The following DLGAP3 variants were observed in gnomAD, a reference collection of about 807,000 sequenced individuals.
The protein encoded by DLGAP3 is DLG associated protein 3.
In DLGAP3, 17 loss-of-function variants were observed where a neutral mutation model predicts 81.2. That is an observed-to-expected ratio of 0.21 (90% CI 0.14 to 0.31). The LOEUF (loss-of-function observed/expected upper bound fraction) is 0.31. Ranked by LOEUF, DLGAP3 falls within the 10% of genes least tolerant of loss-of-function variation. The pLI is 1.00. For missense variants in DLGAP3, 1,124 were observed against 1,388.0 expected, an observed-to-expected ratio of 0.81 and a Z score of 3.02; for synonymous variants, 577 against 587.4, an observed-to-expected ratio of 0.98 and a Z score of 0.26.
intron 1 of DLGAP3, among the ~76,000 whole-genome samples, chr1:34,922,224 A>G (rs746639035): frequency 1.3e-5 from 2 of 152,168 alleles, no homozygotes; most frequent in Non-Finnish European, 2.9e-5. Flanking sequence ...AACTTCTTTC[A>G]TATGATGGAG....
chr1:34,870,609 G>A (rs1000398638), intron 8 of DLGAP3, among the ~76,000 whole-genome samples: 2 of 152,206 alleles, frequency 1.3e-5, no homozygotes, highest in African/African-American at 4.8e-5. Context: ...AGGAAGGAGA[G>A]ATGCACTCAT....
chr1:34,879,826 T>C lies in DLGAP3; in HGVS notation c.2000+5152A>G, dbSNP rs1238820971. ...TATGAGATATAGCCATAAAAGGATA[T>C]AGTTATAAGGGAAATTATAGCCCTA... On this transcript the variant is annotated intron_variant, in intron 8 of 11. Transcript: ENST00000373347. 3.3e-5 allele frequency among the ~76,000 whole-genome samples: 5 copies of C among 152,068 alleles called. No individual in the cohort carries two copies. In the South Asian group the frequency reaches 8.3e-4, roughly 25 times the overall value.
chr1:34,867,999 A>C lies in DLGAP3; in HGVS notation c.2486-372T>G, dbSNP rs1638912140. Reference sequence around the variant, plus strand: ...GGCTAAGCTTTGTTCATCACTCCCCAGTGCATGCAAGACTCCTTGGCTCTT... The same window carrying C: ...GGCTAAGCTTTGTTCATCACTCCCCCGTGCATGCAAGACTCCTTGGCTCTT... On this transcript the variant is annotated intron_variant, in intron 9 of 11. Coordinates refer to ENST00000373347, the MANE Select transcript of DLGAP3 (RefSeq NM_001080418.3). This position sits in a 1 kb window ranked among gnomAD's most constrained non-coding sequence, Gnocchi z 4.3. 6.6e-6 allele frequency among the ~76,000 whole-genome samples: 1 copy of C among 152,196 alleles called. No homozygotes were observed. The highest frequency in any genetic ancestry group is 1.5e-5 in the Non-Finnish European group (1 of 68,042).
chr1:34,886,344 T>C (rs1404980895), intron 5 of DLGAP3, 59 bp from the exon 6 acceptor site: 2 of 1,475,094 alleles, frequency 1.4e-6, no homozygotes, highest in Non-Finnish European at 1.8e-6. Flanking sequence ...TGGAAGTCCC[T>C]GGGGTGCTCT....
In DLGAP3 at chr1:34,885,094, T is replaced by C. The variant is rs767585485; in HGVS notation, c.1915-31A>G. The stretch of plus-strand genomic sequence containing the variant: ...GGCAGGGTGGAGGAGTCAGTGGCTG[T>C]GGCGAGCCAAGGTGAAAGCCCTTCC... On this transcript the variant is annotated intron_variant, in intron 7 of 11. Coordinates refer to ENST00000373347, the MANE Select transcript of DLGAP3 (RefSeq NM_001080418.3). 6.9e-6 allele frequency: 11 copies of C among 1,594,648 alleles called. No homozygotes were observed. The Admixed American group carries it at 1.3e-4, about 19-fold the overall frequency.
chr1:34,874,560 G>T (rs903319738), intron 8 of DLGAP3, among the ~76,000 whole-genome samples: 4 of 152,192 alleles, frequency 2.6e-5, no homozygotes, highest in African/African-American at 9.7e-5. Context: ...TGTGGCTGCA[G>T]AAGCCTCCTC....
intron 1 of DLGAP3, among the ~76,000 whole-genome samples, chr1:34,922,556 G>GCACACAA (rs1322657435): frequency 6.6e-6 from 1 of 152,000 alleles, no homozygotes; most frequent in Non-Finnish European, 1.5e-5. Context: ...GCACACATTG[G>GCACACAA]TTTAATTCAG....
chr1:34,885,145 C>T lies in DLGAP3; in HGVS notation c.1915-82G>A, dbSNP rs946291485. On this transcript the variant is annotated intron_variant, in intron 7 of 11. Transcript: ENST00000373347. ...CGGGGAGAACGGCTAGCAATGGCTG[C>T]GCCCCAAGCCAGCTGGCAGGTCCTG... is the stretch of plus-strand genomic sequence containing the variant. 24 of 1,321,912 alleles carry T rather than the reference C, an allele frequency of 1.8e-5. No individual in the cohort carries two copies. The East Asian group carries it at 4.4e-4, about 24-fold the overall frequency. 81.9% of individuals were successfully genotyped at this position (1,321,912 alleles called of 1,614,324 possible). A position where few individuals can be genotyped will look rare whatever the true frequency, so the allele number is the denominator to read the frequency against.
Position 34,904,722 on chromosome 1 carries a change from G to A in DLGAP3, c.662C>T (p.Thr221Ile). 1.9e-6 allele frequency: 3 copies of A among 1,612,990 alleles called. No individual in the cohort carries two copies. Among genetic ancestry groups the A allele is most frequent in the Non-Finnish European group, 2.5e-6 (3 of 1,180,002 alleles). ...GTGGTGGTGATGGTGGTGATGGGAG[G>A]TGTGGGGGCCTCCAGAGCCCGGGCC... ...YPGPGSGGPH[T>I]SHHHHHHHHH... The change falls in exon 3 of 12, where the codon ACC becomes ATC. Residue 221 changes from threonine to isoleucine, a missense_variant. By Grantham distance (89) the Thr-to-Ile change is moderately conservative (BLOSUM62 -1). Around this residue, in one of 9 missense-constraint regions of DLGAP3, gnomAD observed 357 missense variants for 408.8 expected, o/e 0.87. Coordinates refer to ENST00000373347, the MANE Select transcript of DLGAP3 (RefSeq NM_001080418.3). The surrounding 1 kb of genome is among the most constrained non-coding windows in gnomAD (Gnocchi z 8.1).
chr1:34,903,647 G>A (rs1639497722), intron 3 of DLGAP3, among the ~76,000 whole-genome samples: 1 of 152,150 alleles, frequency 6.6e-6, no homozygotes, highest in Non-Finnish European at 1.5e-5. Context: ...CCACTCCCGG[G>A]AGGCCCTGCC....
rs551017776 is a variant in DLGAP3, at chr1:34,875,758, G to A, written c.2001-6669C>T. On this transcript the variant is annotated intron_variant, in intron 8 of 11. Coordinates refer to ENST00000373347, the MANE Select transcript of DLGAP3 (RefSeq NM_001080418.3). Reference sequence around the variant, plus strand: ...GTGCCATAAGGACATGTTGAGACACGGCTGGTAACTGATTAAGTATGTTCT... The same window carrying A: ...GTGCCATAAGGACATGTTGAGACACAGCTGGTAACTGATTAAGTATGTTCT... Among the ~76,000 whole-genome samples, 7 of 152,346 alleles carry A rather than the reference G, an allele frequency of 4.6e-5. No homozygotes were observed. The South Asian group carries it at 1.2e-3, about 27-fold the overall frequency.
chr1:34,884,224 C>T (rs549053527), intron 8 of DLGAP3, among the ~76,000 whole-genome samples: 1 of 152,040 alleles, frequency 6.6e-6, no homozygotes, highest in South Asian at 2.1e-4. Flanking sequence ...TGGCCTGGGA[C>T]ACTAGTTTTA....
rs1639434420 is a variant in DLGAP3 at position 34,900,189 on chromosome 1, T to C, written c.1192A>G (p.Ile398Val). The change falls in exon 4 of 12, where the codon ATC (isoleucine) becomes GTC (valine). Residue 398 changes from isoleucine to valine, a missense_variant. Around this residue, in one of 9 missense-constraint regions of DLGAP3, gnomAD observed 357 missense variants for 408.8 expected, o/e 0.87. Transcript: ENST00000373347. This position sits in a 1 kb window ranked among gnomAD's most constrained non-coding sequence, Gnocchi z 5.6. ...PCRRMRSGSYIKAMGDEESGD... is the reference protein window; with the variant it reads ...PCRRMRSGSYVKAMGDEESGD... The stretch of plus-strand genomic sequence containing the variant: ...CTCTCCTCATCCCCCATGGCTTTGA[T>C]GTAGCTGCCGCTCCGCATCCTGCGG... 1 of 1,614,170 alleles carries C rather than the reference T, an allele frequency of 6.2e-7. No homozygotes were observed. The highest frequency in any genetic ancestry group is 8.5e-7 in the Non-Finnish European group (1 of 1,180,038).
At chr1:34,886,775 A>G (rs1441955045) in intron 5 of DLGAP3, among the ~76,000 whole-genome samples, 1 of 151,234 alleles carries the variant, frequency 6.6e-6, no homozygotes, top group East Asian at 1.9e-4. Flanking sequence ...GTGTATATAT[A>G]TACACTACAT....
chr1:34,900,354 G>GGAA lies in DLGAP3; in HGVS notation c.1108-82_1108-81insTTC. 6 of 1,444,900 alleles carry GGAA rather than the reference G, an allele frequency of 4.2e-6. No homozygotes were observed. The highest frequency in any genetic ancestry group is 5.8e-6 in the Non-Finnish European group (6 of 1,035,096). The allele number at this position is 1,444,900 out of a possible 1,614,324, so 89.5% of individuals were successfully genotyped here. A position where few individuals can be genotyped will look rare whatever the true frequency, so the allele number is the denominator to read the frequency against. ...AGGACTCTTTCCCCACTGCCAGTGG[G>GGAA]AGATGCCCTGCCCTGGCTTGAACAG... On this transcript the variant is annotated intron_variant, in intron 3 of 11. Coordinates refer to ENST00000373347, the MANE Select transcript of DLGAP3 (RefSeq NM_001080418.3). The surrounding 1 kb of genome is among the most constrained non-coding windows in gnomAD (Gnocchi z 5.6).
intron 2 of DLGAP3, among the ~76,000 whole-genome samples, chr1:34,905,939 A>T (rs1639544096): frequency 6.8e-6 from 1 of 147,726 alleles, no homozygotes; most frequent in South Asian, 2.2e-4. Flanking sequence ...ACAAGAGCTC[A>T]AAGCTGCAGT....
Position 34,867,584 on chromosome 1 carries a change from GAGA to G in DLGAP3, c.2526_2528del (p.Leu844del). Reference sequence around the variant, plus strand: ...AGAACTGCTGAACCTTCTGGGACAGGAGAAGTTGTGTGCTGCCCACAGCACTGC... The same window carrying G: ...AGAACTGCTGAACCTTCTGGGACAGGAGTTGTGTGCTGCCCACAGCACTGC... On this transcript the variant is annotated inframe_deletion, in exon 10 of 12. Transcript: ENST00000373347. The surrounding 1 kb of genome is among the most constrained non-coding windows in gnomAD (Gnocchi z 4.3). 1 of 1,614,108 alleles carries G rather than the reference GAGA, an allele frequency of 6.2e-7. No homozygotes were observed. The highest frequency in any genetic ancestry group is 8.5e-7 in the Non-Finnish European group (1 of 1,179,982).
At chr1:34,913,355 T>C (rs1347779118) in intron 1 of DLGAP3, among the ~76,000 whole-genome samples, 2 of 152,140 alleles carry the variant, frequency 1.3e-5, no homozygotes, top group African/African-American at 4.8e-5. Context: ...ACACTACCTA[T>C]AATCTCTTTG....
At chr1:34,917,846 A>G (rs1470514755) in intron 1 of DLGAP3, among the ~76,000 whole-genome samples, 3 of 152,246 alleles carry the variant, frequency 2.0e-5, no homozygotes, top group East Asian at 3.8e-4. Context: ...TACTAGGCCC[A>G]GGTGAGCCAT....
Sources: allele counts gnomAD v4.1 joint callset (sites outside exome capture counted in the v4.1 genomes callset), GRCh38; gene constraint gnomAD v4.1.1; regional missense constraint gnomAD v4.1.1; non-coding constraint Gnocchi (gnomAD v3.1); transcripts MANE v1.5; gene names NCBI Gene and HGNC (gene_info 2026-07-23, HGNC 2026-07-21).